LRRC8E: variants seen among roughly 807,000 people sequenced by gnomAD.
The protein encoded by LRRC8E is leucine rich repeat containing 8 VRAC subunit E, also known as volume-regulated anion channel subunit LRRC8E.
Under a neutral mutation model 6.1 loss-of-function variants are expected in LRRC8E, and 6 were observed. The ratio of observed to expected loss-of-function variants is 0.98; its 90% CI spans 0.54 to 1.93. The LOEUF is 1.93. Ranked by LOEUF, LRRC8E falls within the 30% of genes most tolerant of loss-of-function variation. The probability of loss-of-function intolerance (pLI) is 0.01; values close to 1 mark genes in which losing one functional copy is unlikely to be tolerated. For synonymous variants in LRRC8E, 485 were observed against 472.8 expected, an observed-to-expected ratio of 1.03 and a Z score of -0.33; for missense variants, 1,028 against 1,031.4, an observed-to-expected ratio of 1.00 and a Z score of 0.04.
chr19:7,898,612 G>A, intron 2 of LRRC8E, 49 bp from the exon 3 acceptor site: 1 of 1,513,000 alleles, frequency 6.6e-7, no homozygotes, highest in South Asian at 1.3e-5. Context: ...ACTCGCCTTG[G>A]CCTCCCAAAG....
At chr19:7,892,074 AT>A (rs35978779) in intron 1 of LRRC8E, among the ~76,000 whole-genome samples, 4,709 of 125,132 alleles carry the variant, frequency 0.038, 211 homozygotes, top group Admixed American at 0.17. Flanking sequence ...AAGATTTTAG[AT>A]TTTTTTTTTT....
chr19:7,899,097 G>T lies in LRRC8E; in HGVS notation c.575G>T (p.Gly192Val). 6.2e-7 allele frequency: 1 copy of T among 1,612,998 alleles called. No homozygotes were observed. Among genetic ancestry groups the T allele is most frequent in the Non-Finnish European group, 8.5e-7 (1 of 1,179,354 alleles). The change falls in exon 3 of 3, where the codon GGG becomes GTG. Residue 192 changes from glycine to valine, a missense_variant. Gly to Val is a moderately radical substitution (Grantham distance 109). Transcript: ENST00000306708. ...RAAATIVAMA[G>V]TGPGKAGEGE... is the part of the protein sequence containing the mutation. ...GCGGCCACCATAGTGGCCATGGCAG[G>T]GACCGGGCCGGGGAAGGCAGGGGAG...
chr19:7,889,184 C>T (rs55986535), intron 1 of LRRC8E, among the ~76,000 whole-genome samples: 1 of 151,958 alleles, frequency 6.6e-6, no homozygotes, highest in Non-Finnish European at 1.5e-5. Flanking sequence ...GGACACCGTG[C>T]CTTACGTCTA....
rs537609540 is a variant in LRRC8E, at chr19:7,901,877, G to A, written c.*964G>A. On this transcript the variant is annotated 3_prime_UTR_variant, in exon 3 of 3. Transcript: ENST00000306708. ...AGGCAGCTGATAGATTTCCCCCAGAGAGCTATTCAAGGACTTCCTAAGGTG... is the reference window on the plus strand; with the variant it reads ...AGGCAGCTGATAGATTTCCCCCAGAAAGCTATTCAAGGACTTCCTAAGGTG... 1 of 152,288 alleles carries A rather than the reference G, an allele frequency of 6.6e-6. No homozygotes were observed. Among genetic ancestry groups the A allele is most frequent in the African/African-American group, 2.4e-5 (1 of 41,552 alleles). 9.4% of individuals were successfully genotyped at this position (152,288 alleles called of 1,614,324 possible).
At chr19:7,891,547 T>TGTGTGTGTGTG (rs1568262044) in intron 1 of LRRC8E, among the ~76,000 whole-genome samples, 4 of 91,586 alleles carry the variant, frequency 4.4e-5, no homozygotes, top group Non-Finnish European at 6.5e-5. Context: ...GTGTGTGTGT[T>TGTGTGTGTGTG]TGTGTGTGTG....
In LRRC8E at chr19:7,900,788, C is replaced by T. The variant is rs201931291; in HGVS notation, c.2266C>T (p.Arg756Cys). 1.7e-4 allele frequency: 271 copies of T among 1,602,302 alleles called. 2 individuals are homozygous for T. Among genetic ancestry groups the T allele is most frequent in the Middle Eastern group, 6.7e-4 (4 of 5,996 alleles). ...ALSRLELKGN[R>C]LEALPEELGN... ...CAGCCGCCTGGAGCTCAAAGGCAAC[C>T]GCTTAGAGGCGCTGCCAGAAGAACT... The change falls in exon 3 of 3, where the codon CGC (arginine) becomes TGC (cysteine). Residue 756 changes from arginine (R) to cysteine (C), a missense_variant. Physicochemically the swap from Arg to Cys is radical, Grantham distance 180. Transcript: ENST00000306708. The surrounding 1 kb of genome is among the most constrained non-coding windows in gnomAD (Gnocchi z 5.0).
At chr19:7,897,484 G>GT (rs541032744) in intron 2 of LRRC8E, among the ~76,000 whole-genome samples, 43,584 of 124,604 alleles carry the variant, frequency 0.35, 8,049 homozygotes, top group East Asian at 0.52. Flanking sequence ...GGTCGAGACA[G>GT]TTTTTTTTTT....
intron 1 of LRRC8E, among the ~76,000 whole-genome samples, chr19:7,894,787 C>T (rs765889858): frequency 3.9e-5 from 6 of 152,334 alleles, no homozygotes; most frequent in Admixed American, 6.5e-5. Context: ...CAGAGTGGGC[C>T]GGCCAGGAGC....
chr19:7,899,287 C>T lies in LRRC8E; in HGVS notation c.765C>T (p.Tyr255=), dbSNP rs1298263972. ...AGGGCGACATCCTGTACACCATGTA[C>T]ATCCGACAGACGGTGCTGAAAGTGT... ...VEEGDILYTM[Y]IRQTVLKVCK... is the part of the protein sequence containing the mutation. The change falls in exon 3 of 3, where the codon TAC becomes TAT. Residue 255 remains tyrosine (Y), a synonymous_variant. Coordinates refer to ENST00000306708, the MANE Select transcript of LRRC8E (RefSeq NM_025061.6). 2 of 1,614,108 alleles carry T rather than the reference C, an allele frequency of 1.2e-6. No individual in the cohort carries two copies. Among genetic ancestry groups the T allele is most frequent in the East Asian group, 2.2e-5 (1 of 44,898 alleles).
chr19:7,893,436 G>A (rs1214000816), intron 1 of LRRC8E, among the ~76,000 whole-genome samples: 2 of 152,170 alleles, frequency 1.3e-5, no homozygotes, highest in East Asian at 3.9e-4. Flanking sequence ...GGCAGGGAGT[G>A]TGAATGAGCA....
chr19:7,896,317 T>C (rs991790070), intron 2 of LRRC8E, among the ~76,000 whole-genome samples: 1 of 150,828 alleles, frequency 6.6e-6, no homozygotes, highest in African/African-American at 2.4e-5. Context: ...CTCACACCTG[T>C]AATCCCAGCA....
In LRRC8E at chr19:7,895,577, C is replaced by T. The variant is rs372439693; in HGVS notation, c.-5-22C>T. The T allele has an allele frequency of 2.2e-5, 36 of 1,605,852 alleles. No homozygotes were observed. Among genetic ancestry groups the T allele is most frequent in the South Asian group, 3.3e-5 (3 of 90,896 alleles). ...ATCCTGAGGGTCTCTCTCTACACCC[C>T]CCGTCTCGTCCCGTCCCACAGGCAG... On this transcript the variant is annotated intron_variant, in intron 1 of 2. Coordinates refer to ENST00000306708, the MANE Select transcript of LRRC8E (RefSeq NM_025061.6). This position sits in a 1 kb window ranked among gnomAD's most constrained non-coding sequence, Gnocchi z 4.7.
At chr19:7,891,206 G>A (rs904251110) in intron 1 of LRRC8E, among the ~76,000 whole-genome samples, 3 of 152,190 alleles carry the variant, frequency 2.0e-5, no homozygotes, top group African/African-American at 7.2e-5. Flanking sequence ...GGCATTCAGT[G>A]TCTGGTGGAG....
intron 1 of LRRC8E, among the ~76,000 whole-genome samples, chr19:7,891,712 T>C (rs1341647584): frequency 6.6e-6 from 1 of 152,074 alleles, no homozygotes; most frequent in Admixed American, 6.6e-5. Context: ...GTTTAAGCAA[T>C]TCTCCTGCCT....
intron 1 of LRRC8E, among the ~76,000 whole-genome samples, chr19:7,894,452 C>T (rs1303397188): frequency 6.6e-6 from 1 of 152,198 alleles, no homozygotes; most frequent in African/African-American, 2.4e-5. Flanking sequence ...GTCTCGAACT[C>T]CTAACCTCAA....
Position 7,899,883 on chromosome 19 carries a change from CG to C in LRRC8E, c.1365del (p.Leu456CysfsTer31). ...GCCATCTGCGATATCACCTTCCCCC[CG>C]GGGCTGTCACAGCTGGTGCACTTGC... ...LEAICDITFPPGLSQLVHLQE... is the reference protein window; with the variant it reads ...LEAICDITFPXGLSQLVHLQE... On this transcript the variant is annotated frameshift_variant, in exon 3 of 3. Coordinates refer to ENST00000306708, the MANE Select transcript of LRRC8E (RefSeq NM_025061.6). LOFTEE classifies it low-confidence loss of function (END_TRUNC). 1.2e-6 allele frequency: 2 copies of C among 1,606,942 alleles called. No homozygotes were observed.
chr19:7,889,812 C>T (rs1026077231), intron 1 of LRRC8E, among the ~76,000 whole-genome samples: 3 of 150,624 alleles, frequency 2.0e-5, no homozygotes, highest in South Asian at 2.1e-4. Flanking sequence ...CGCAGTGGCA[C>T]GATCTTGGCT....
Position 7,900,305 on chromosome 19 carries a change from G to C in LRRC8E, c.1783G>C (p.Glu595Gln), listed in dbSNP as rs1260288842. 1.2e-6 allele frequency: 2 copies of C among 1,613,346 alleles called. No homozygotes were observed. Among genetic ancestry groups the C allele is most frequent in the Admixed American group, 3.3e-5 (2 of 60,022 alleles). The change falls in exon 3 of 3, where the codon GAG becomes CAG. Residue 595 changes from glutamate (E) to glutamine (Q), a missense_variant. Physicochemically the swap from Glu to Gln is conservative, Grantham distance 29. Coordinates refer to ENST00000306708, the MANE Select transcript of LRRC8E (RefSeq NM_025061.6). The surrounding 1 kb of genome is among the most constrained non-coding windows in gnomAD (Gnocchi z 5.0). ...GCTGGAGCTGGTGGCCTGCGGGCTG[G>C]AGCGCATCCCCCATGCAGTGTTCAG... ...RELELVACGL[E>Q]RIPHAVFSLG...
intron 2 of LRRC8E, 52 bp from the exon 3 acceptor site, chr19:7,898,609 T>A: frequency 6.6e-7 from 1 of 1,505,112 alleles, no homozygotes; most frequent in Non-Finnish European, 9.0e-7. Context: ...TCCACTCGCC[T>A]TGGCCTCCCA....
Sources: allele counts gnomAD v4.1 joint callset (sites outside exome capture counted in the v4.1 genomes callset), GRCh38; gene constraint gnomAD v4.1.1; non-coding constraint Gnocchi (gnomAD v3.1); transcripts MANE v1.5; gene names NCBI Gene and HGNC (gene_info 2026-07-23, HGNC 2026-07-21).